Variants in ERICH3 observed in about 807,000 individuals in gnomAD.
ERICH3 encodes the protein glutamate rich 3.
In ERICH3, 126 loss-of-function variants were observed where a neutral mutation model predicts 131.1. The ratio of observed to expected loss-of-function variants is 0.96; its 90% confidence interval spans 0.83 to 1.11. The LOEUF is 1.11. Ranked by LOEUF, ERICH3 falls within the 50% of genes most tolerant of loss-of-function variation. The pLI, the probability that ERICH3 is intolerant of heterozygous loss-of-function variation, is 0.00. For synonymous variants in ERICH3, 695 were observed against 644.6 expected (o/e 1.08, Z -1.18); for missense variants, 2,050 against 1,810.7 (o/e 1.13, Z -2.40).
At chr1:74,617,082 C>T (rs1225404526) in intron 8 of ERICH3, among the ~76,000 whole-genome samples, 1 of 149,294 alleles carries the variant, frequency 6.7e-6, no homozygotes, top group African/African-American at 2.5e-5. Flanking sequence ...TTAATCTGAG[C>T]AAAACATGGC....
At chr1:74,637,740 T>G (rs1247660646) in intron 5 of ERICH3, among the ~76,000 whole-genome samples, 4 of 152,014 alleles carry the variant, frequency 2.6e-5, no homozygotes, top group Admixed American at 6.6e-5. Context: ...GGCAACATGG[T>G]GAAACCTTGT....
At chr1:74,669,993 A>T (rs557673241) in intron 1 of ERICH3, among the ~76,000 whole-genome samples, 1 of 152,186 alleles carries the variant, frequency 6.6e-6, no homozygotes, top group African/African-American at 2.4e-5. Flanking sequence ...GAAACCTTTT[A>T]TTTGCTACTG....
At chr1:74,609,713 T>C (rs893139100) in intron 9 of ERICH3, among the ~76,000 whole-genome samples, 3 of 152,098 alleles carry the variant, frequency 2.0e-5, no homozygotes, top group African/African-American at 2.4e-5. Flanking sequence ...ACAGATTTCA[T>C]TGGAAAAATG....
intron 8 of ERICH3, among the ~76,000 whole-genome samples, chr1:74,613,661 C>G (rs1051810782): frequency 2.6e-5 from 4 of 152,082 alleles, no homozygotes; most frequent in African/African-American, 9.7e-5. Context: ...CCCCATCCAC[C>G]CAAAAGTCCC....
At chr1:74,650,917 G>A (rs74426794) in intron 1 of ERICH3, among the ~76,000 whole-genome samples, 4,120 of 151,744 alleles carry the variant, frequency 0.027, 179 homozygotes, top group African/African-American at 0.094. Context: ...GAAAGACAAA[G>A]AGGAAGACAG....
intron 13 of ERICH3, among the ~76,000 whole-genome samples, chr1:74,574,795 T>G (rs544305736): frequency 6.6e-6 from 1 of 152,178 alleles, no homozygotes; most frequent in Non-Finnish European, 1.5e-5. Flanking sequence ...GTAAAATAAG[T>G]AAAGAAAGGC....
In ERICH3 at chr1:74,589,821, G is replaced by A. The variant is rs149032235; in HGVS notation, c.1986C>T (p.Asp662=). ...CTTTAAGAACATTCTCAAAGCTTTC[G>A]TCTATTGGCATCGGCTTGGTCTCCA... The part of the protein sequence containing the change: ...ADVETKPMPI[D]ESFENVLKEG... Residue 662 remains aspartate, a synonymous_variant, in exon 12 of 15, where the codon GAC becomes GAT. Coordinates refer to ENST00000326665, the MANE Select transcript of ERICH3 (RefSeq NM_001002912.5). The A allele has an allele frequency of 1.8e-3, 2,912 of 1,613,942 alleles. 39 individuals carry two copies. In the African/African-American group the frequency reaches 0.032, roughly 17 times the overall value.
chr1:74,668,909 C>G (rs1336185154), intron 1 of ERICH3, among the ~76,000 whole-genome samples: 1 of 152,080 alleles, frequency 6.6e-6, no homozygotes, highest in African/African-American at 2.4e-5. Context: ...TTTGGTGGTG[C>G]AAGTGGGTAA....
intron 7 of ERICH3, among the ~76,000 whole-genome samples, chr1:74,628,015 T>C (rs959179999): frequency 1.3e-5 from 2 of 152,136 alleles, no homozygotes; most frequent in Non-Finnish European, 2.9e-5. Context: ...CAATATTAAA[T>C]CATAACTGCA....
At chr1:74,656,352 A>G (rs891197445) in intron 1 of ERICH3, among the ~76,000 whole-genome samples, 3 of 152,108 alleles carry the variant, frequency 2.0e-5, no homozygotes, top group South Asian at 2.1e-4. Context: ...TGGAATCCCA[A>G]CTGGCCCCAT....
At position 74,571,532 on chromosome 1, in the gene ERICH3, A is replaced by G. The variant is rs1281956802; in HGVS notation, c.4178T>C (p.Leu1393Ser). The stretch of plus-strand genomic sequence containing the variant: ...CCCTGCAGCTGCTGTTTTTCCTACT[A>G]ACTCATCCTGTTGGTGCCAGGTTTC... ...EEETWHQQDE[L>S]VGKTAAAGKV... Residue 1393 changes from leucine to serine, a missense_variant, in exon 14 of 15, where the codon TTA becomes TCA. Leu to Ser is a moderately radical substitution (Grantham distance 145). Coordinates refer to ENST00000326665, the MANE Select transcript of ERICH3 (RefSeq NM_001002912.5). The G allele has an allele frequency of 6.2e-7, 1 of 1,613,970 alleles. No homozygotes were observed. The highest frequency in any genetic ancestry group is 1.3e-5 in the African/African-American group (1 of 74,954).
At position 74,606,562 on chromosome 1, in the gene ERICH3, G is replaced by C. The variant is rs541479349; in HGVS notation, c.1489+39C>G. 3.2e-6 allele frequency: 5 copies of C among 1,540,448 alleles called. No homozygotes were observed. In the South Asian group the frequency reaches 3.7e-5, roughly 11 times the overall value. ...TCACATTTCAAAGACAAACGAAACA[G>C]CCACAGCTACAACAAAAGAAACTTG... On this transcript the variant is annotated intron_variant, in intron 10 of 14. Coordinates refer to ENST00000326665, the MANE Select transcript of ERICH3 (RefSeq NM_001002912.5).
chr1:74,634,102 T>C (rs559812652), intron 6 of ERICH3, among the ~76,000 whole-genome samples: 1 of 152,232 alleles, frequency 6.6e-6, no homozygotes, highest in South Asian at 2.1e-4. Context: ...GTTTTTTGAG[T>C]GCTCACTACA....
rs190883054 is a variant in ERICH3, at chr1:74,670,623, C to T, written c.23+2874G>A. On this transcript the variant is annotated intron_variant, in intron 1 of 14. Transcript: ENST00000326665. ...CTTCGTAAGCTGAGGATGTACATCA[C>T]GTCAGGACCACTGTGATAATTTTGT... Among the ~76,000 whole-genome samples the T allele has an allele frequency of 8.5e-5, 13 of 152,254 alleles. No homozygotes were observed. In the South Asian group the frequency reaches 1.7e-3, roughly 19 times the overall value.
At chr1:74,616,040 C>T (rs906338110) in intron 8 of ERICH3, among the ~76,000 whole-genome samples, 1 of 152,006 alleles carries the variant, frequency 6.6e-6, no homozygotes, top group African/African-American at 2.4e-5. Context: ...CTTGTTCTGT[C>T]GCCCAGGCTG....
Position 74,599,763 on chromosome 1 carries a change from T to TC in ERICH3, c.1657dup (p.Asp553GlyfsTer4). 1 of 1,612,464 alleles carries TC rather than the reference T, an allele frequency of 6.2e-7. No individual in the cohort carries two copies. The highest frequency in any genetic ancestry group is 8.5e-7 in the Non-Finnish European group (1 of 1,179,010). ...CTCATCTTTCACATTGTCACGGGCA[T>TC]CTGGTGCCTTCTGTGATGAGGTTTC... On this transcript the variant is annotated frameshift_variant, in exon 11 of 15. Coordinates refer to ENST00000326665, the MANE Select transcript of ERICH3 (RefSeq NM_001002912.5). LOFTEE classifies it high-confidence loss of function.
At position 74,573,296 on chromosome 1, in the gene ERICH3, T is replaced by C. The variant is rs1313153021; in HGVS notation, c.2414A>G (p.His805Arg). The C allele has an allele frequency of 3.7e-6, 6 of 1,601,420 alleles. No homozygotes were observed. Among genetic ancestry groups the C allele is most frequent in the East Asian group, 2.2e-5 (1 of 44,856 alleles). The change falls in exon 14 of 15, where the codon CAT (histidine) becomes CGT (arginine). Residue 805 changes from histidine (H) to arginine (R), a missense_variant. Transcript: ENST00000326665. ...AALWGEAGAV[H>R]EAPLRAWKPT... ...CTTCCACGCCCTCAAGGGAGCCTCA[T>C]GAACAGCTCCTGCTTCTCCCCACAG...
chr1:74,646,632 A>C (rs1191205769), intron 3 of ERICH3, 35 bp downstream of exon 3: 6 of 1,119,386 alleles, frequency 5.4e-6, no homozygotes, highest in Non-Finnish European at 7.2e-6. Flanking sequence ...GTAGAAAAAA[A>C]TAAAATAAAA....
At chr1:74,636,206 C>A in intron 6 of ERICH3, 74 bp downstream of exon 6, 3 of 1,231,182 alleles carry the variant, frequency 2.4e-6, no homozygotes, top group African/African-American at 1.5e-5. Flanking sequence ...GAATATAATA[C>A]CTTGACCACT....
Sources: gnomAD v4.1 joint callset for allele counts (sites outside exome capture counted in the v4.1 genomes callset) on GRCh38, gnomAD v4.1.1 for gene constraint, MANE v1.5 for transcripts, NCBI Gene and HGNC (gene_info 2026-07-23, HGNC 2026-07-21) for gene names.